Variants in BMPER observed in about 807,000 individuals in gnomAD.
BMPER encodes the protein BMP binding endothelial regulator.
A neutral mutation model predicts 87.3 loss-of-function variants in BMPER; 45 were observed. That is an observed-to-expected ratio of 0.52 (90% CI 0.41 to 0.66). The LOEUF (loss-of-function observed/expected upper bound fraction) is 0.66, where lower values mean the gene tolerates loss of function less well. Among genes scored for constraint, BMPER ranks in the 30% least tolerant of loss-of-function variants. The pLI is 0.00. For missense variants in BMPER, 784 were observed against 867.5 expected (o/e 0.90, Z 1.21); for synonymous variants, 326 against 316.2 (o/e 1.03, Z -0.33).
At chr7:33,980,794 A>G (rs1202772315) in intron 6 of BMPER, among the ~76,000 whole-genome samples, 1 of 152,202 alleles carries the variant, frequency 6.6e-6, no homozygotes, top group Non-Finnish European at 1.5e-5. Flanking sequence ...GATTTTTACC[A>G]ATAAACATGG....
chr7:34,055,943 T>A (rs1169276024), intron 9 of BMPER, among the ~76,000 whole-genome samples: 1 of 152,214 alleles, frequency 6.6e-6, no homozygotes, highest in Non-Finnish European at 1.5e-5. Context: ...GTACCTCCTA[T>A]CTAGTCCATT....
chr7:33,961,848 G>C (rs185181835), intron 3 of BMPER, among the ~76,000 whole-genome samples: 1 of 152,172 alleles, frequency 6.6e-6, no homozygotes, highest in African/African-American at 2.4e-5. Flanking sequence ...ATGACATGGA[G>C]TTCTAGGGAT....
At chr7:33,930,132 G>T (rs1280220424) in intron 2 of BMPER, among the ~76,000 whole-genome samples, 1 of 152,146 alleles carries the variant, frequency 6.6e-6, no homozygotes, top group East Asian at 1.9e-4. Context: ...TTCAGCTGGG[G>T]AGTTTGGGTC....
chr7:34,129,630 GAGAAAGAAAGAA>G (rs10527738), intron 13 of BMPER, among the ~76,000 whole-genome samples: 16 of 56,306 alleles, frequency 2.8e-4, no homozygotes, highest in African/African-American at 9.7e-4. Context: ...GAGAGAAAGA[GAGAAAGAAAGAA>G]AGAAAGAAAG....
In BMPER at chr7:33,966,541, T is replaced by C. The variant is rs780028775; in HGVS notation, c.382T>C (p.Cys128Arg). The change falls in exon 4 of 15, where the codon TGT (cysteine) becomes CGT (arginine). Residue 128 changes from cysteine (C) to arginine (R), a missense_variant. By Grantham distance (180) the Cys-to-Arg change is radical (BLOSUM62 -3). Coordinates refer to ENST00000649409, the MANE Select transcript of BMPER (RefSeq NM_001365308.1). Reference protein sequence around the residue: ...SFKWQSPAEPCVLRQCQEGVV... With the variant: ...SFKWQSPAEPRVLRQCQEGVV... ...CAAATGGCAGAGCCCGGCTGAGCCT[T>C]GTGTTCTACGCCAGTGCCAGGTAAA... 2.5e-6 allele frequency: 4 copies of C among 1,613,748 alleles called. No homozygotes were observed. Among genetic ancestry groups the C allele is most frequent in the Admixed American group, 1.7e-5 (1 of 60,000 alleles).
intron 13 of BMPER, among the ~76,000 whole-genome samples, chr7:34,093,155 A>G (rs764968803): frequency 1.3e-5 from 2 of 152,222 alleles, no homozygotes; most frequent in Admixed American, 6.5e-5. Context: ...ATCAAAATCA[A>G]AAGAGATACA....
chr7:34,110,487 G>A (rs1789932653), intron 13 of BMPER, among the ~76,000 whole-genome samples: 1 of 152,180 alleles, frequency 6.6e-6, no homozygotes, highest in Non-Finnish European at 1.5e-5. Flanking sequence ...AGGATGTAGT[G>A]ATGAGAACAA....
At chr7:34,080,339 C>T (rs996241840) in intron 12 of BMPER, among the ~76,000 whole-genome samples, 2 of 152,192 alleles carry the variant, frequency 1.3e-5, no homozygotes, top group Admixed American at 1.3e-4. Flanking sequence ...TTGATTTGAG[C>T]TTATGGAATG....
intron 13 of BMPER, among the ~76,000 whole-genome samples, chr7:34,104,995 T>C (rs2127984092): frequency 6.6e-6 from 1 of 152,340 alleles, no homozygotes; most frequent in African/African-American, 2.4e-5. Context: ...CAATGATCTG[T>C]CTTCTGGATT....
intron 6 of BMPER, among the ~76,000 whole-genome samples, chr7:34,019,967 T>TC (rs1242919596): frequency 8.2e-4 from 122 of 147,950 alleles, no homozygotes; most frequent in East Asian, 1.0e-3. Flanking sequence ...TTTTTTTTTT[T>TC]CCCCAGGCTG....
intron 2 of BMPER, among the ~76,000 whole-genome samples, chr7:33,912,537 G>T (rs531363756): frequency 1.3e-5 from 2 of 152,174 alleles, no homozygotes; most frequent in Admixed American, 6.5e-5. Flanking sequence ...ATGCAAATAG[G>T]GGGAGGGCAG....
chr7:34,057,147 A>G (rs1324854264), intron 9 of BMPER, among the ~76,000 whole-genome samples: 1 of 151,954 alleles, frequency 6.6e-6, no homozygotes, highest in African/African-American at 2.4e-5. Flanking sequence ...GTCATCAAAT[A>G]TCTCAACTGT....
At chr7:34,142,766 G>A (rs1168478359) in intron 13 of BMPER, among the ~76,000 whole-genome samples, 3 of 152,200 alleles carry the variant, frequency 2.0e-5, no homozygotes, top group Non-Finnish European at 4.4e-5. Flanking sequence ...TGGAAACATT[G>A]CAGTAAAGTC....
At chr7:33,930,859 G>A (rs1264066730) in intron 2 of BMPER, among the ~76,000 whole-genome samples, 1 of 152,190 alleles carries the variant, frequency 6.6e-6, no homozygotes, top group African/African-American at 2.4e-5. Flanking sequence ...GCTGAGATGG[G>A]AGATTGTTTG....
intron 13 of BMPER, among the ~76,000 whole-genome samples, chr7:34,134,199 G>C (rs1790662356): frequency 6.6e-6 from 1 of 152,150 alleles, no homozygotes; most frequent in African/African-American, 2.4e-5. Flanking sequence ...TTGTTTTACA[G>C]TAAGCATGAC....
At chr7:34,027,275 T>C (rs1385353768) in intron 6 of BMPER, among the ~76,000 whole-genome samples, 2 of 152,128 alleles carry the variant, frequency 1.3e-5, no homozygotes, top group Admixed American at 1.3e-4. Flanking sequence ...TTTTTGACTA[T>C]GTTCACATTT....
At chr7:33,990,554 TCTG>T (rs1301550535) in intron 6 of BMPER, among the ~76,000 whole-genome samples, 1 of 151,310 alleles carries the variant, frequency 6.6e-6, no homozygotes, top group African/African-American at 2.4e-5. Context: ...AATCATGTCA[TCTG>T]CAAACAGGGA....
chr7:34,003,409 T>A (rs566191373), intron 6 of BMPER, among the ~76,000 whole-genome samples: 1 of 151,976 alleles, frequency 6.6e-6, no homozygotes, highest in Non-Finnish European at 1.5e-5. Context: ...GTCATACAAA[T>A]CGCACTCTAT....
At chr7:34,018,952 A>G (rs980430649) in intron 6 of BMPER, among the ~76,000 whole-genome samples, 1 of 152,018 alleles carries the variant, frequency 6.6e-6, no homozygotes, top group African/African-American at 2.4e-5. Flanking sequence ...TGCAGCAAGA[A>G]ATACCCCAGT....
Sources: allele counts gnomAD v4.1 joint callset (sites outside exome capture counted in the v4.1 genomes callset), GRCh38; gene constraint gnomAD v4.1.1; transcripts MANE v1.5; gene names NCBI Gene and HGNC (gene_info 2026-07-23, HGNC 2026-07-21).